Variants in ZNF362 observed in about 807,000 individuals in gnomAD.
ZNF362 encodes zinc finger protein 362.
ZNF362 carries 11 observed loss-of-function variants against 42.9 expected under a neutral mutation model. That is an observed-to-expected ratio of 0.26 (90% CI 0.16 to 0.42). The LOEUF (loss-of-function observed/expected upper bound fraction) is 0.42. Among genes scored for constraint, ZNF362 ranks in the 20% least tolerant of loss-of-function variants. ZNF362 has a pLI of 1.00. For missense variants in ZNF362, 362 were observed against 576.2 expected (o/e 0.63, Z 3.81); for synonymous variants, 255 against 257.3 (o/e 0.99, Z 0.09).
At chr1:33,208,640 C>G in the ZNF362 span, among the ~76,000 whole-genome samples, 1 of 152,136 alleles carries the variant, frequency 6.6e-6, no homozygotes, top group Non-Finnish European at 1.5e-5. Context: ...TGAAGAGGTT[C>G]TTCACATCCA....
intron 6 of ZNF362, among the ~76,000 whole-genome samples, chr1:33,290,442 T>A (rs1470079245): frequency 7.9e-5 from 12 of 152,120 alleles, no homozygotes; most frequent in Non-Finnish European, 1.5e-4. Flanking sequence ...ATGTGCCACA[T>A]TTTCTTAATC....
chr1:33,169,235 C>G, the ZNF362 span, among the ~76,000 whole-genome samples: 1 of 152,112 alleles, frequency 6.6e-6, no homozygotes, highest in African/African-American at 2.4e-5. Flanking sequence ...TTGCTCCTCT[C>G]CCCATATTCC....
Position 33,299,168 on chromosome 1 carries a change from T to G in ZNF362, c.*122T>G. 2.7e-6 allele frequency: 2 copies of G among 747,956 alleles called. No homozygotes were observed. The highest frequency in any genetic ancestry group is 2.6e-5 in the East Asian group (1 of 37,828). The allele number at this position is 747,956 out of a possible 1,614,324, so 46.3% of individuals were successfully genotyped here. A position where few individuals can be genotyped will look rare whatever the true frequency, so the allele number is the denominator to read the frequency against. Reference sequence around the variant, plus strand: ...AAGCTCTCTCACGACCTTCCCAATCTTCCAGAAAGCTTGGTCCGCAGAAGC... The same window carrying G: ...AAGCTCTCTCACGACCTTCCCAATCGTCCAGAAAGCTTGGTCCGCAGAAGC... On this transcript the variant is annotated 3_prime_UTR_variant, in exon 9 of 9. Transcript: ENST00000539719.
At chr1:33,257,449 G>A (rs781109554) in intron 1 of ZNF362, among the ~76,000 whole-genome samples, 9 of 148,992 alleles carry the variant, frequency 6.0e-5, no homozygotes, top group Non-Finnish European at 1.0e-4. Flanking sequence ...TTTGGAAGGC[G>A]GTGAAATGCC....
At chr1:33,191,909 A>AG in the ZNF362 span, among the ~76,000 whole-genome samples, 1 of 152,244 alleles carries the variant, frequency 6.6e-6, no homozygotes, top group Non-Finnish European at 1.5e-5. Flanking sequence ...GATCTTGAAG[A>AG]GGGCAAGTAT....
the ZNF362 span, among the ~76,000 whole-genome samples, chr1:33,250,887 A>AAGAAGAAGG: frequency 4.0e-5 from 6 of 151,464 alleles, no homozygotes; most frequent in Admixed American, 1.3e-4. Context: ...GAAGAAGAAG[A>AAGAAGAAGG]AGAAGAAGGA....
the ZNF362 span, among the ~76,000 whole-genome samples, chr1:33,227,785 C>G: frequency 1.1e-4 from 16 of 152,108 alleles, no homozygotes; most frequent in Admixed American, 3.9e-4. Context: ...GGATCCCTTT[C>G]CAGTCTCTCA....
the ZNF362 span, among the ~76,000 whole-genome samples, chr1:33,186,091 A>G: frequency 6.6e-6 from 1 of 152,108 alleles, no homozygotes; most frequent in East Asian, 1.9e-4. Flanking sequence ...TAACCTTCAA[A>G]TCAATACTTG....
At chr1:33,279,562 A>G (rs998520282) in intron 4 of ZNF362, among the ~76,000 whole-genome samples, 2 of 151,606 alleles carry the variant, frequency 1.3e-5, no homozygotes, top group African/African-American at 4.8e-5. Flanking sequence ...TTATGTTTCT[A>G]GTCCTATCAT....
At chr1:33,140,345 C>T in the ZNF362 span, among the ~76,000 whole-genome samples, 2 of 152,188 alleles carry the variant, frequency 1.3e-5, no homozygotes, top group Non-Finnish European at 2.9e-5. The surrounding 1 kb of genome is among the most constrained non-coding windows in gnomAD (Gnocchi z 4.0). Context: ...TTTTGGTGAC[C>T]TTTCAGGTCC....
chr1:33,161,223 T>C, the ZNF362 span, among the ~76,000 whole-genome samples: 1 of 152,206 alleles, frequency 6.6e-6, no homozygotes, highest in Non-Finnish European at 1.5e-5. This position sits in a 1 kb window ranked among gnomAD's most constrained non-coding sequence, Gnocchi z 4.3. Flanking sequence ...GAAGTCTTCA[T>C]TGAGAGACGG....
intron 3 of ZNF362, 58 bp downstream of exon 3, chr1:33,276,221 C>G (rs1645945121): frequency 6.2e-7 from 1 of 1,605,834 alleles, no homozygotes; most frequent in Non-Finnish European, 8.5e-7. Context: ...CTTCGCTTCC[C>G]CTGGGTTTTG....
Position 33,295,185 on chromosome 1 carries a change from G to A in ZNF362, c.1026G>A (p.Lys342=). ...AGCACAACAAGGACAAGCCCTACAAGTGTCCCAACTGCTACCGGGCCTATT... is the reference window on the plus strand; with the variant it reads ...AGCACAACAAGGACAAGCCCTACAAATGTCCCAACTGCTACCGGGCCTATT... ...QRQHNKDKPY[K]CPNCYRAYSD... Residue 342 remains lysine, a synonymous_variant, in exon 8 of 9, where the codon AAG becomes AAA. Transcript: ENST00000539719. The A allele has an allele frequency of 6.2e-7, 1 of 1,614,150 alleles. No individual in the cohort carries two copies. The highest frequency in any genetic ancestry group is 8.5e-7 in the Non-Finnish European group (1 of 1,180,032).
In ZNF362 at chr1:33,271,900, C is replaced by A. The variant is rs569940071; in HGVS notation, c.38+1288C>A. Among the ~76,000 whole-genome samples the A allele has an allele frequency of 7.9e-5, 12 of 152,316 alleles. No individual in the cohort carries two copies. The South Asian group carries it at 1.9e-3, about 24-fold the overall frequency. ...GCATAGGGGAAGACTAAGTCCAGCT[C>A]AGGCCTGCAGAGTCTGAGCAGCCCA... On this transcript the variant is annotated intron_variant, in intron 2 of 8. Transcript: ENST00000539719.
chr1:33,225,773 A>G, the ZNF362 span, among the ~76,000 whole-genome samples: 1 of 152,220 alleles, frequency 6.6e-6, no homozygotes, highest in South Asian at 2.1e-4. Flanking sequence ...CTCAATGCTG[A>G]CATCAACTTG....
intron 6 of ZNF362, among the ~76,000 whole-genome samples, chr1:33,285,830 A>C (rs1222618036): frequency 6.6e-6 from 1 of 152,208 alleles, no homozygotes; most frequent in Non-Finnish European, 1.5e-5. Flanking sequence ...TGGGAGGCCA[A>C]GGTGGGTGAA....
the ZNF362 span, among the ~76,000 whole-genome samples, chr1:33,183,566 T>G: frequency 6.6e-6 from 1 of 151,314 alleles, no homozygotes; most frequent in Admixed American, 6.6e-5. Flanking sequence ...GGTGGTCTCA[T>G]GGAGTGAGTC....
the ZNF362 span, among the ~76,000 whole-genome samples, chr1:33,149,154 T>C: frequency 2.6e-5 from 4 of 152,296 alleles, no homozygotes; most frequent in East Asian, 7.7e-4. Context: ...CCTCTTCTTT[T>C]TCTTATTTAT....
chr1:33,165,217 A>G, the ZNF362 span: 2 of 368,554 alleles, frequency 5.4e-6, no homozygotes, highest in Admixed American at 4.6e-5. This position sits in a 1 kb window ranked among gnomAD's most constrained non-coding sequence, Gnocchi z 4.0. Context: ...GAAGGGAGAA[A>G]TGGCCCCGTC....
Sources: gnomAD v4.1 joint callset for allele counts (sites outside exome capture counted in the v4.1 genomes callset) on GRCh38, gnomAD v4.1.1 for gene constraint, Gnocchi (gnomAD v3.1) non-coding constraint, MANE v1.5 for transcripts, NCBI Gene and HGNC (gene_info 2026-07-23, HGNC 2026-07-21) for gene names.